DOCK3: variants seen among roughly 807,000 people sequenced by gnomAD.
The protein encoded by DOCK3 is dedicator of cytokinesis protein 3.
In DOCK3, 60 loss-of-function variants were observed where a neutral mutation model predicts 265.6. The ratio of observed to expected loss-of-function variants is 0.23; its 90% CI spans 0.18 to 0.28. The LOEUF is 0.28. Among genes scored for constraint, DOCK3 ranks in the 10% least tolerant of loss-of-function variants. DOCK3 has a pLI of 1.00. For missense variants in DOCK3, 1,981 were observed against 2,594.3 expected (o/e 0.76, Z 5.14); for synonymous variants, 881 against 938.0 (o/e 0.94, Z 1.11).
chr3:51,081,887 C>G (rs1296102347), intron 7 of DOCK3, among the ~76,000 whole-genome samples: 1 of 110,036 alleles, frequency 9.1e-6, no homozygotes, highest in African/African-American at 3.4e-5. Flanking sequence ...CAGAGCAAGA[C>G]TCTGTCTCAA....
chr3:50,882,959 C>A (rs1412223134), intron 3 of DOCK3, among the ~76,000 whole-genome samples: 1 of 152,120 alleles, frequency 6.6e-6, no homozygotes, highest in Non-Finnish European at 1.5e-5. Flanking sequence ...GAGTTCATGT[C>A]CTTTGGAGGG....
chr3:51,301,771 AT>A (rs1438173853), intron 27 of DOCK3, among the ~76,000 whole-genome samples: 1 of 152,086 alleles, frequency 6.6e-6, no homozygotes, highest in Non-Finnish European at 1.5e-5. Flanking sequence ...TTGAGTTCTA[AT>A]TGATAGCACT....
At chr3:51,230,503 T>TTTG (rs1223791413) in intron 19 of DOCK3, among the ~76,000 whole-genome samples, 5 of 151,950 alleles carry the variant, frequency 3.3e-5, no homozygotes, top group South Asian at 2.1e-4. Context: ...ACATTGTCTT[T>TTTG]TTGTTGTTGT....
chr3:50,888,846 A>T (rs2048482636), intron 3 of DOCK3, among the ~76,000 whole-genome samples: 1 of 152,140 alleles, frequency 6.6e-6, no homozygotes, highest in South Asian at 2.1e-4. Flanking sequence ...CTTACACCTT[A>T]TACAAAAATT....
intron 23 of DOCK3, among the ~76,000 whole-genome samples, chr3:51,265,849 C>A (rs978818254): frequency 2.6e-5 from 4 of 152,064 alleles, no homozygotes; most frequent in African/African-American, 4.8e-5. Context: ...CTGGCCAGGG[C>A]AGTCAGGCAA....
intron 23 of DOCK3, among the ~76,000 whole-genome samples, chr3:51,264,219 A>G (rs2080026966): frequency 6.6e-6 from 1 of 152,248 alleles, no homozygotes; most frequent in African/African-American, 2.4e-5. Context: ...CTCTCAGACC[A>G]CAGTACAATC....
chr3:51,107,442 T>C (rs2083330073), intron 9 of DOCK3, among the ~76,000 whole-genome samples: 1 of 152,068 alleles, frequency 6.6e-6, no homozygotes, highest in African/African-American at 2.4e-5. Context: ...TGAAACACAA[T>C]CTAAGGAAGC....
At chr3:51,365,736 T>G (rs2087102314) in intron 49 of DOCK3, among the ~76,000 whole-genome samples, 1 of 152,266 alleles carries the variant, frequency 6.6e-6, no homozygotes, top group African/African-American at 2.4e-5. Context: ...CTGCATCTAT[T>G]GAGATAGTCA....
At chr3:51,032,685 A>T (rs1235280188) in intron 5 of DOCK3, among the ~76,000 whole-genome samples, 5 of 152,236 alleles carry the variant, frequency 3.3e-5, no homozygotes, top group Admixed American at 3.3e-4. Flanking sequence ...AGGCAGGAGG[A>T]TCGATTGAGG....
rs562143072 is a variant in DOCK3 at position 50,944,896 on chromosome 3, G to A, written c.315+10819G>A. ...AATTGCTTGAACCTGGGAGGTGGAG[G>A]CTGCAGTGAGCTGAGATCGCGTCAT... is the stretch of plus-strand genomic sequence containing the variant. On this transcript the variant is annotated intron_variant, in intron 5 of 52. Coordinates refer to ENST00000266037, the MANE Select transcript of DOCK3 (RefSeq NM_004947.5). Among the ~76,000 whole-genome samples the A allele has an allele frequency of 5.9e-5, 9 of 152,314 alleles. No individual in the cohort carries two copies. The South Asian group carries it at 1.9e-3, about 32-fold the overall frequency.
intron 5 of DOCK3, among the ~76,000 whole-genome samples, chr3:51,008,516 AG>A (rs1306033100): frequency 6.6e-6 from 1 of 152,200 alleles, no homozygotes; most frequent in African/African-American, 2.4e-5. Context: ...TATCAGCTTA[AG>A]GAGATTTTGG....
intron 12 of DOCK3, among the ~76,000 whole-genome samples, chr3:51,166,791 C>A (rs1458704948): frequency 2.0e-5 from 3 of 152,022 alleles, no homozygotes. Flanking sequence ...GGCCTTTTTG[C>A]CTGTTTTGTA....
chr3:51,249,456 T>A, intron 22 of DOCK3, among the ~76,000 whole-genome samples: 2 of 93,540 alleles, frequency 2.1e-5, no homozygotes, highest in South Asian at 4.1e-4. Flanking sequence ...TACTGGGAAG[T>A]GAGGAGCCCC....
intron 5 of DOCK3, among the ~76,000 whole-genome samples, chr3:51,048,298 A>T (rs1296616706): frequency 1.3e-5 from 2 of 152,150 alleles, no homozygotes; most frequent in African/African-American, 4.8e-5. Context: ...TGAAAAGCTG[A>T]TGGTTTTCTT....
At chr3:50,985,768 G>A (rs2077874804) in intron 5 of DOCK3, among the ~76,000 whole-genome samples, 6 of 151,366 alleles carry the variant, frequency 4.0e-5, no homozygotes, top group Admixed American at 3.3e-4. Context: ...ATTTTGACAG[G>A]TATGAATGTA....
chr3:51,007,513 G>A (rs1219691707), intron 5 of DOCK3, among the ~76,000 whole-genome samples: 2 of 152,180 alleles, frequency 1.3e-5, no homozygotes. Context: ...GTAGATTGTG[G>A]ATATTAGCCC....
At chr3:50,710,827 A>G (rs1043052178) in intron 1 of DOCK3, among the ~76,000 whole-genome samples, 1 of 152,242 alleles carries the variant, frequency 6.6e-6, no homozygotes, top group Non-Finnish European at 1.5e-5. Flanking sequence ...CTCAGCCATA[A>G]AAAGGAACAA....
At chr3:50,758,470 A>G (rs907214494) in intron 1 of DOCK3, among the ~76,000 whole-genome samples, 7 of 152,092 alleles carry the variant, frequency 4.6e-5, no homozygotes, top group Non-Finnish European at 1.0e-4. Context: ...ATATATAATT[A>G]AATTTATAGT....
intron 12 of DOCK3, among the ~76,000 whole-genome samples, chr3:51,197,323 G>C (rs1207838569): frequency 6.6e-6 from 1 of 152,170 alleles, no homozygotes; most frequent in Admixed American, 6.5e-5. Context: ...TTAGATGCTG[G>C]TAGTGGCAGT....
Sources: allele counts gnomAD v4.1 joint callset (sites outside exome capture counted in the v4.1 genomes callset), GRCh38; gene constraint gnomAD v4.1.1; transcripts MANE v1.5; gene names NCBI Gene and HGNC (gene_info 2026-07-23, HGNC 2026-07-21).